The following PTPRN2 variants were observed in gnomAD, a reference collection of about 807,000 sequenced individuals.
The protein encoded by PTPRN2 is receptor-type tyrosine-protein phosphatase N2.
Under a neutral mutation model 118.8 loss-of-function variants are expected in PTPRN2, and 74 were observed. The ratio of observed to expected loss-of-function variants is 0.62; its 90% confidence interval spans 0.52 to 0.76. PTPRN2 has a LOEUF of 0.76. Ranked by LOEUF, PTPRN2 falls within the 30% of genes least tolerant of loss-of-function variation. PTPRN2 has a pLI of 0.00. For synonymous variants in PTPRN2, 641 were observed against 608.0 expected (o/e 1.05, Z -0.80); for missense variants, 1,481 against 1,394.4 (o/e 1.06, Z -0.99).
intron 1 of PTPRN2, chr7:158,539,887 G>A (rs940115455): frequency 3.2e-5 from 7 of 221,712 alleles, no homozygotes; most frequent in African/African-American, 1.4e-4. Flanking sequence ...ATTGCACTGT[G>A]AGCCTGCAGC....
At chr7:158,116,708 G>C (rs906660328) in intron 9 of PTPRN2, among the ~76,000 whole-genome samples, 2 of 152,056 alleles carry the variant, frequency 1.3e-5, no homozygotes, top group East Asian at 1.9e-4. Context: ...TGACTTACAG[G>C]GGATTTAAAA....
intron 14 of PTPRN2, among the ~76,000 whole-genome samples, chr7:157,653,452 G>A (rs1406016195): frequency 1.3e-5 from 2 of 152,138 alleles, no homozygotes; most frequent in Non-Finnish European, 2.9e-5. Flanking sequence ...CGACTCTGAT[G>A]CGTTCCTGCG....
chr7:158,483,984 AT>A (rs1218167805), intron 2 of PTPRN2, among the ~76,000 whole-genome samples: 31 of 152,078 alleles, frequency 2.0e-4, no homozygotes, highest in African/African-American at 6.7e-4. Context: ...CAAAAAAAAA[AT>A]TTTTTTTAAA....
intron 4 of PTPRN2, 84 bp from the exon 5 acceptor site, chr7:158,192,579 T>C (rs1449204444): frequency 1.4e-6 from 2 of 1,438,732 alleles, no homozygotes; most frequent in Admixed American, 2.6e-5. Flanking sequence ...CCTGGGTGCA[T>C]GCAAGGGGCT....
intron 11 of PTPRN2, among the ~76,000 whole-genome samples, chr7:158,008,584 A>C (rs79339784): frequency 0.013 from 1,926 of 152,320 alleles, 43 homozygotes; most frequent in African/African-American, 0.044. Flanking sequence ...TTATTTTACA[A>C]ATTGCACCTG....
intron 3 of PTPRN2, among the ~76,000 whole-genome samples, chr7:158,264,870 C>A (rs901615347): frequency 6.6e-6 from 1 of 152,114 alleles, no homozygotes; most frequent in African/African-American, 2.4e-5. Flanking sequence ...CCTTGATGCC[C>A]GGGAGGAGCT....
rs1294415712 is a variant in PTPRN2, at chr7:157,845,670, C to G, written c.1788+53003G>C. ...CACTGTGCGGCACAGAACCTCCCCGCGGGGCAGGTGGGTGCACAGGAAAGA... is the reference window on the plus strand; with the variant it reads ...CACTGTGCGGCACAGAACCTCCCCGGGGGGCAGGTGGGTGCACAGGAAAGA... On this transcript the variant is annotated intron_variant, in intron 12 of 22. Transcript: ENST00000389418. The surrounding 1 kb of genome is among the most constrained non-coding windows in gnomAD (Gnocchi z 4.5). Among the ~76,000 whole-genome samples, 2 of 152,162 alleles carry G rather than the reference C, an allele frequency of 1.3e-5. No homozygotes were observed. Among genetic ancestry groups the G allele is most frequent in the Non-Finnish European group, 2.9e-5 (2 of 68,046 alleles).
chr7:158,396,507 C>T (rs1191026816), intron 2 of PTPRN2, among the ~76,000 whole-genome samples: 2 of 151,866 alleles, frequency 1.3e-5, no homozygotes, highest in Non-Finnish European at 2.9e-5. Flanking sequence ...GTGGAGGGAG[C>T]GAGCTGCTCC....
Position 157,656,409 on chromosome 7 carries a change from G to T in PTPRN2, c.2144C>A (p.Ser715Tyr). Residue 715 changes from serine (S) to tyrosine (Y), a missense_variant, in exon 14 of 23, where the codon TCC becomes TAC. By Grantham distance (144) the Ser-to-Tyr change is moderately radical. Around this residue, in one of 3 missense-constraint regions of PTPRN2, gnomAD observed 1,115 missense variants for 994.2 expected, o/e 1.12. Transcript: ENST00000389418. ...CATGTTGGACTGCACAGGCTCCTCG[G>T]ACCAGGATGAGGCGCTGCTGCGTGC... ...PSARSSASSW[S>Y]EEPVQSNMDI... 1 of 1,553,072 alleles carries T rather than the reference G, an allele frequency of 6.4e-7. No individual in the cohort carries two copies.
At chr7:158,118,975 T>G (rs952039310) in intron 9 of PTPRN2, among the ~76,000 whole-genome samples, 3 of 152,184 alleles carry the variant, frequency 2.0e-5, no homozygotes, top group African/African-American at 7.2e-5. Flanking sequence ...GTACTGAAAT[T>G]ATAGGCATCA....
At chr7:157,548,919 GCGT>G in intron 22 of PTPRN2, 24 bp downstream of exon 22, 1 of 1,607,664 alleles carries the variant, frequency 6.2e-7, no homozygotes, top group Non-Finnish European at 8.5e-7. Context: ...GAATGGGTCT[GCGT>G]CCCGGAGGAG....
At chr7:158,055,744 G>A (rs1229346616) in intron 11 of PTPRN2, among the ~76,000 whole-genome samples, 1 of 152,176 alleles carries the variant, frequency 6.6e-6, no homozygotes, top group Non-Finnish European at 1.5e-5. Flanking sequence ...CCTATCACTG[G>A]AGATGGCTCA....
chr7:158,339,926 C>A (rs1806328521), intron 2 of PTPRN2, among the ~76,000 whole-genome samples: 2 of 108,214 alleles, frequency 1.8e-5, no homozygotes, highest in African/African-American at 7.0e-5. Context: ...CCCACACTCT[C>A]ACCATAAGAG....
intron 3 of PTPRN2, among the ~76,000 whole-genome samples, chr7:158,315,066 CAAGGACAGAGGTGAACCCGGGACCCCCTA>C (rs1802195813): frequency 1.3e-4 from 6 of 46,654 alleles, no homozygotes; most frequent in African/African-American, 2.9e-4. Flanking sequence ...GGGACGCCCT[CAAGGACAGAGGTGAACCCGGGACCCCCTA>C]AAGGACAGAG....
chr7:158,342,033 C>A lies in PTPRN2; in HGVS notation c.164-25101G>T, dbSNP rs373102013. Reference sequence around the variant, plus strand: ...ACGTCACTCACACCCACACTCTCACCATAAGAGCTGACACCCGCAGACGTT... The same window carrying A: ...ACGTCACTCACACCCACACTCTCACAATAAGAGCTGACACCCGCAGACGTT... On this transcript the variant is annotated intron_variant, in intron 2 of 22. Transcript: ENST00000389418. Among the ~76,000 whole-genome samples, 34 of 148,782 alleles carry A rather than the reference C, an allele frequency of 2.3e-4. No individual in the cohort carries two copies. In the East Asian group the frequency reaches 5.2e-3, roughly 23 times the overall value.
chr7:158,189,797 G>A (rs1262487879), intron 5 of PTPRN2, among the ~76,000 whole-genome samples: 1 of 152,228 alleles, frequency 6.6e-6, no homozygotes, highest in African/African-American at 2.4e-5. Flanking sequence ...CAGCAGTGGA[G>A]GCAGAGCACA....
intron 3 of PTPRN2, among the ~76,000 whole-genome samples, chr7:158,210,680 T>G (rs1827528581): frequency 6.6e-6 from 1 of 152,150 alleles, no homozygotes; most frequent in Non-Finnish European, 1.5e-5. Flanking sequence ...TAGAGGCTAC[T>G]ATGAGCAACT....
At chr7:158,124,100 G>A (rs1348107054) in intron 9 of PTPRN2, among the ~76,000 whole-genome samples, 1 of 152,238 alleles carries the variant, frequency 6.6e-6, no homozygotes, top group Admixed American at 6.5e-5. Flanking sequence ...TGAACTGAAT[G>A]TTTTCCGACC....
At chr7:158,430,365 C>A (rs540685344) in intron 2 of PTPRN2, among the ~76,000 whole-genome samples, 82 of 152,224 alleles carry the variant, frequency 5.4e-4, no homozygotes, top group Non-Finnish European at 9.4e-4. Context: ...GGCCTGTAGA[C>A]CCGGAAGTCG....
Sources: allele counts gnomAD v4.1 joint callset (sites outside exome capture counted in the v4.1 genomes callset), GRCh38; gene constraint gnomAD v4.1.1; regional missense constraint gnomAD v4.1.1; non-coding constraint Gnocchi (gnomAD v3.1); transcripts MANE v1.5; gene names NCBI Gene and HGNC (gene_info 2026-07-23, HGNC 2026-07-21).